Variants in TMOD3 observed in about 807,000 individuals in gnomAD.
TMOD3 encodes the protein tropomodulin 3.
In TMOD3, 20 loss-of-function variants were observed where a neutral mutation model predicts 39.2. That is an observed-to-expected ratio of 0.51 (90% CI 0.36 to 0.74). The LOEUF (loss-of-function observed/expected upper bound fraction) is 0.74. Ranked by LOEUF, TMOD3 falls within the 30% of genes least tolerant of loss-of-function variation. The probability of loss-of-function intolerance (pLI) is 0.00; values close to 1 mark genes in which losing one functional copy is unlikely to be tolerated. For missense variants in TMOD3, 381 were observed against 412.8 expected (o/e 0.92, Z 0.67); for synonymous variants, 143 against 145.8 (o/e 0.98, Z 0.14).
rs555584501 is a variant in TMOD3 at position 51,850,375 on chromosome 15, C to G, written c.-74-12436C>G. Among the ~76,000 whole-genome samples the G allele has an allele frequency of 2.0e-3, 311 of 152,058 alleles. 2 individuals are homozygous for G. Among genetic ancestry groups the G allele is most frequent in the Admixed American group, 5.7e-3 (87 of 15,278 alleles). On this transcript the variant is annotated intron_variant, in intron 1 of 9. Coordinates refer to ENST00000308580, the MANE Select transcript of TMOD3 (RefSeq NM_014547.5). ...AGACTGGACAGTTTATCCATAATAG[C>G]AAGAGGGAAGGTAGAGTGTATGGGT...
chr15:51,859,622 T>C, intron 1 of TMOD3: 1 of 539,926 alleles, frequency 1.9e-6, no homozygotes, highest in South Asian at 1.6e-5. Context: ...CTTCTTGGCT[T>C]TTGGCACCTT....
intron 1 of TMOD3, among the ~76,000 whole-genome samples, chr15:51,855,181 A>G (rs1169089070): frequency 6.6e-6 from 1 of 152,244 alleles, no homozygotes; most frequent in Non-Finnish European, 1.5e-5. Context: ...ACACTCTGCC[A>G]CACAGTATGA....
At chr15:51,844,545 G>T (rs2056326835) in intron 1 of TMOD3, among the ~76,000 whole-genome samples, 1 of 151,872 alleles carries the variant, frequency 6.6e-6, no homozygotes, top group African/African-American at 2.4e-5. Flanking sequence ...TGAGAGTCTT[G>T]GTTATAAAAT....
chr15:51,846,636 T>C (rs894865197), intron 1 of TMOD3, among the ~76,000 whole-genome samples: 6 of 152,224 alleles, frequency 3.9e-5, no homozygotes, highest in South Asian at 2.1e-4. Flanking sequence ...AGCATTTTGA[T>C]TGATGGCTGA....
intron 1 of TMOD3, among the ~76,000 whole-genome samples, chr15:51,840,664 T>C (rs1217968974): frequency 6.6e-6 from 1 of 152,246 alleles, no homozygotes; most frequent in Non-Finnish European, 1.5e-5. Flanking sequence ...TCTCCTGCCC[T>C]TCTTAAATGG....
chr15:51,872,184 C>G (rs1260648235), intron 3 of TMOD3, among the ~76,000 whole-genome samples: 1 of 152,178 alleles, frequency 6.6e-6, no homozygotes, highest in Non-Finnish European at 1.5e-5. Flanking sequence ...CTCTTGAGGT[C>G]AGGAGCTCGA....
At chr15:51,883,409 C>T (rs1209669574) in intron 3 of TMOD3, among the ~76,000 whole-genome samples, 2 of 152,022 alleles carry the variant, frequency 1.3e-5, no homozygotes, top group Non-Finnish European at 2.9e-5. Context: ...TAGATTCCAT[C>T]GGTCCCTCAA....
Position 51,909,839 on chromosome 15 carries a change from A to G in TMOD3, c.*1029A>G, listed in dbSNP as rs1025595925. 6.6e-6 allele frequency: 1 copy of G among 152,270 alleles called. No homozygotes were observed. The highest frequency in any genetic ancestry group is 1.5e-5 in the Non-Finnish European group (1 of 68,050). The allele number at this position is 152,270 out of a possible 1,614,324, so 9.4% of individuals were successfully genotyped here. On this transcript the variant is annotated 3_prime_UTR_variant, in exon 10 of 10. Coordinates refer to ENST00000308580, the MANE Select transcript of TMOD3 (RefSeq NM_014547.5). ...ATGTGCAGTGCAGAATTGCATAAAC[A>G]GTATTTAATCACTGCTACAAATCTT... is the stretch of plus-strand genomic sequence containing the variant.
intron 1 of TMOD3, among the ~76,000 whole-genome samples, chr15:51,841,546 AT>A (rs2056312676): frequency 6.6e-6 from 1 of 152,144 alleles, no homozygotes; most frequent in Non-Finnish European, 1.5e-5. Context: ...AGCAGACCTT[AT>A]GTCCTGGAGA....
intron 1 of TMOD3, among the ~76,000 whole-genome samples, chr15:51,832,557 TGTG>T (rs2056261908): frequency 6.6e-6 from 1 of 151,884 alleles, no homozygotes; most frequent in Non-Finnish European, 1.5e-5. Context: ...TAGAACCGGA[TGTG>T]GTGGCACGCT....
chr15:51,858,374 G>A (rs2056398670), intron 1 of TMOD3: 1 of 151,594 alleles, frequency 6.6e-6, no homozygotes, highest in South Asian at 2.1e-4. Flanking sequence ...TCTTAAAGTT[G>A]GAGGTACAAA....
intron 3 of TMOD3, among the ~76,000 whole-genome samples, chr15:51,880,072 T>A (rs1024348526): frequency 2.6e-5 from 4 of 152,170 alleles, no homozygotes; most frequent in African/African-American, 9.6e-5. Context: ...AAGACTAATT[T>A]AAATTAATAC....
At chr15:51,852,051 T>G (rs1368073978) in intron 1 of TMOD3, among the ~76,000 whole-genome samples, 1 of 152,266 alleles carries the variant, frequency 6.6e-6, no homozygotes, top group Admixed American at 6.5e-5. Context: ...TCGTATTACC[T>G]TCTTCCTTTA....
intron 1 of TMOD3, 143 bp downstream of exon 1, chr15:51,829,979 G>A (rs182920676): frequency 0.042 from 6,363 of 152,426 alleles, 159 homozygotes; most frequent in Non-Finnish European, 0.05. Flanking sequence ...CCGTCTCGGG[G>A]AGCAGGGGTG....
intron 1 of TMOD3, among the ~76,000 whole-genome samples, chr15:51,839,071 T>G (rs1173533360): frequency 6.6e-6 from 1 of 152,124 alleles, no homozygotes; most frequent in Non-Finnish European, 1.5e-5. Flanking sequence ...AAAACATGCT[T>G]ATTTTGATGT....
At chr15:51,893,271 G>C (rs1310079969) in intron 5 of TMOD3, among the ~76,000 whole-genome samples, 1 of 121,910 alleles carries the variant, frequency 8.2e-6, no homozygotes, top group Admixed American at 1.1e-4. Flanking sequence ...CTCCAGCCTG[G>C]GTGGTAGAGT....
chr15:51,842,251 C>T (rs2141670095), intron 1 of TMOD3, among the ~76,000 whole-genome samples: 1 of 152,330 alleles, frequency 6.6e-6, no homozygotes, highest in East Asian at 1.9e-4. Context: ...GAATACCCCT[C>T]TCCCCTTACT....
At chr15:51,847,328 C>T (rs1316130423) in intron 1 of TMOD3, among the ~76,000 whole-genome samples, 1 of 152,188 alleles carries the variant, frequency 6.6e-6, no homozygotes, top group East Asian at 1.9e-4. Context: ...TCTCTGCAAT[C>T]TATAAATTTC....
rs1555387146 is a variant in TMOD3, at chr15:51,879,886, A to ACG, written c.284-7702_284-7701insGC. ...CACACACACACACACACACACACAC[A>ACG]CACGAAGAAGAAATTCTAGGAGCAA... On this transcript the variant is annotated intron_variant, in intron 3 of 9. Coordinates refer to ENST00000308580, the MANE Select transcript of TMOD3 (RefSeq NM_014547.5). Among the ~76,000 whole-genome samples the ACG allele has an allele frequency of 5.3e-5, 8 of 151,712 alleles. No individual in the cohort carries two copies. In the East Asian group the frequency reaches 5.8e-4, roughly 11 times the overall value.
Sources: allele counts gnomAD v4.1 joint callset (sites outside exome capture counted in the v4.1 genomes callset), GRCh38; gene constraint gnomAD v4.1.1; transcripts MANE v1.5; gene names NCBI Gene and HGNC (gene_info 2026-07-23, HGNC 2026-07-21).